SPAG17: variants seen among roughly 807,000 people sequenced by gnomAD.
SPAG17 encodes the protein sperm associated antigen 17.
A neutral mutation model predicts 273.6 loss-of-function variants in SPAG17; 169 were observed. That is an observed-to-expected ratio of 0.62 (90% confidence interval 0.55 to 0.70). The LOEUF (loss-of-function observed/expected upper bound fraction) is 0.70. SPAG17 is among the 30% of genes least tolerant of loss of function. SPAG17 has a pLI of 0.00. For missense variants in SPAG17, 2,557 were observed against 2,627.8 expected (o/e 0.97, Z 0.59); for synonymous variants, 825 against 873.2 (o/e 0.94, Z 0.97).
intron 29 of SPAG17, among the ~76,000 whole-genome samples, chr1:118,014,212 T>A (rs1290691662): frequency 6.6e-6 from 1 of 152,142 alleles, no homozygotes; most frequent in Non-Finnish European, 1.5e-5. Flanking sequence ...TGAGTTAGTA[T>A]ATGGAAAATG....
intron 3 of SPAG17, among the ~76,000 whole-genome samples, chr1:118,148,755 C>T (rs944292928): frequency 6.6e-6 from 1 of 152,166 alleles, no homozygotes; most frequent in African/African-American, 2.4e-5. Flanking sequence ...CCACATGTCT[C>T]AAAGGTCCAG....
At chr1:118,136,703 T>C (rs1251560328) in intron 3 of SPAG17, among the ~76,000 whole-genome samples, 1 of 152,162 alleles carries the variant, frequency 6.6e-6, no homozygotes, top group Non-Finnish European at 1.5e-5. Flanking sequence ...GACTAATACT[T>C]GTCTCTGCTT....
chr1:118,169,783 T>A (rs1277301908), intron 1 of SPAG17, among the ~76,000 whole-genome samples: 1 of 152,162 alleles, frequency 6.6e-6, no homozygotes, highest in Non-Finnish European at 1.5e-5. Flanking sequence ...TCCAGCCCTT[T>A]ATAAGAATTA....
intron 1 of SPAG17, among the ~76,000 whole-genome samples, chr1:118,171,272 G>C (rs1022694620): frequency 6.6e-6 from 1 of 152,156 alleles, no homozygotes; most frequent in African/African-American, 2.4e-5. Flanking sequence ...TAAGGAGGAA[G>C]AATGGAATAG....
intron 28 of SPAG17, among the ~76,000 whole-genome samples, chr1:118,021,507 T>C (rs1404976041): frequency 6.6e-6 from 1 of 152,152 alleles, no homozygotes; most frequent in African/African-American, 2.4e-5. Context: ...ACATAGAATG[T>C]ACAACACCAA....
At chr1:118,068,827 C>A (rs1653260226) in intron 17 of SPAG17, among the ~76,000 whole-genome samples, 1 of 152,102 alleles carries the variant, frequency 6.6e-6, no homozygotes, top group Non-Finnish European at 1.5e-5. Flanking sequence ...CTATGTTGCC[C>A]AGGCTGGCCC....
chr1:118,018,902 C>T (rs1451345979), intron 28 of SPAG17, among the ~76,000 whole-genome samples: 1 of 151,332 alleles, frequency 6.6e-6, no homozygotes, highest in East Asian at 1.9e-4. Flanking sequence ...CGGACTAAAA[C>T]ATCTAAAGAC....
chr1:118,081,441 T>C lies in SPAG17; in HGVS notation c.1964A>G (p.Asn655Ser). Residue 655 changes from asparagine to serine, a missense_variant, in exon 14 of 49, where the codon AAT (asparagine) becomes AGT (serine). Coordinates refer to ENST00000336338, the MANE Select transcript of SPAG17 (RefSeq NM_206996.4). Reference protein sequence around the residue: ...QIRQQYVMKMNTQEAKQKADI... With the variant: ...QIRQQYVMKMSTQEAKQKADI... ...TGCTTTCTGCTTGGCCTCTTGAGTA[T>C]TCATTTTCATGACATATTGCTGCCT... is the stretch of plus-strand genomic sequence containing the variant. 1 of 1,613,956 alleles carries C rather than the reference T, an allele frequency of 6.2e-7. No individual in the cohort carries two copies.
Position 118,054,063 on chromosome 1 carries a change from G to A in SPAG17, c.2753C>T (p.Ser918Leu), listed in dbSNP as rs765360738. The change falls in exon 20 of 49, where the codon TCA becomes TTA. Residue 918 changes from serine (S) to leucine (L), a missense_variant. Physicochemically the swap from Ser to Leu is moderately radical, Grantham distance 145. Coordinates refer to ENST00000336338, the MANE Select transcript of SPAG17 (RefSeq NM_206996.4). ...SNKGISKTEI[S>L]DQEKEKEKEK... Reference sequence around the variant, plus strand: ...CTTCTCTTTTTCTTTTTCTTGATCTGATATCTCTGTTTTGCTGATTCCTTT... The same window carrying A: ...CTTCTCTTTTTCTTTTTCTTGATCTAATATCTCTGTTTTGCTGATTCCTTT... The A allele has an allele frequency of 6.2e-7, 1 of 1,606,472 alleles. No homozygotes were observed. Among genetic ancestry groups the A allele is most frequent in the African/African-American group, 1.3e-5 (1 of 74,800 alleles).
chr1:118,058,498 G>A (rs940631078), intron 18 of SPAG17, among the ~76,000 whole-genome samples: 8 of 150,746 alleles, frequency 5.3e-5, no homozygotes, highest in Non-Finnish European at 1.2e-4. Flanking sequence ...TGAGCCACTG[G>A]GCTGGCCTCA....
At chr1:118,118,177 C>A (rs528112805) in intron 3 of SPAG17, among the ~76,000 whole-genome samples, 9 of 152,302 alleles carry the variant, frequency 5.9e-5, no homozygotes, top group African/African-American at 2.2e-4. Context: ...AGGAAATGTA[C>A]CTTTTCACAT....
intron 27 of SPAG17, 25 bp from the exon 28 acceptor site, chr1:118,023,488 G>A (rs753831876): frequency 6.7e-5 from 107 of 1,596,404 alleles, no homozygotes; most frequent in Non-Finnish European, 9.0e-5. Context: ...AAAGTTTTCA[G>A]CATTCTCAGA....
At chr1:118,013,812 C>A (rs577692614) in intron 29 of SPAG17, among the ~76,000 whole-genome samples, 1 of 152,256 alleles carries the variant, frequency 6.6e-6, no homozygotes, top group African/African-American at 2.4e-5. Flanking sequence ...GGCAATAACA[C>A]AGTAACAAGG....
chr1:118,059,636 C>G lies in SPAG17; in HGVS notation c.2541-3722G>C, dbSNP rs1392233258. Among the ~76,000 whole-genome samples, 3 of 152,154 alleles carry G rather than the reference C, an allele frequency of 2.0e-5. No individual in the cohort carries two copies. The East Asian group carries it at 5.8e-4, about 29-fold the overall frequency. On this transcript the variant is annotated intron_variant, in intron 18 of 48. Transcript: ENST00000336338. ...GTGTACATACATATTTACAATTGGT[C>G]TATCTCCTTGGAGAACTGACCTTGT...
At chr1:118,113,878 A>G (rs756052923) in intron 4 of SPAG17, among the ~76,000 whole-genome samples, 29 of 152,188 alleles carry the variant, frequency 1.9e-4, no homozygotes, top group African/African-American at 7.0e-4. Flanking sequence ...CCAAGCTACT[A>G]GAATATTTTA....
At chr1:118,183,468 C>G (rs1661040980) in intron 1 of SPAG17, among the ~76,000 whole-genome samples, 1 of 152,012 alleles carries the variant, frequency 6.6e-6, no homozygotes, top group Admixed American at 6.6e-5. Context: ...TGTCTTTTTC[C>G]TGCAATAAGA....
At chr1:118,178,523 T>C (rs1660799425) in intron 1 of SPAG17, among the ~76,000 whole-genome samples, 1 of 152,012 alleles carries the variant, frequency 6.6e-6, no homozygotes, top group South Asian at 2.1e-4. Flanking sequence ...AGATCTGGAA[T>C]AGGATGAAAA....
chr1:118,077,168 T>A (rs937137245), intron 15 of SPAG17, among the ~76,000 whole-genome samples: 3 of 152,176 alleles, frequency 2.0e-5, no homozygotes, highest in African/African-American at 7.2e-5. Flanking sequence ...GTTGGCGGCT[T>A]TGAAGTAAGT....
intron 3 of SPAG17, among the ~76,000 whole-genome samples, chr1:118,133,628 A>G (rs1266597166): frequency 6.6e-6 from 1 of 152,118 alleles, no homozygotes; most frequent in Non-Finnish European, 1.5e-5. Flanking sequence ...CTCATCTGGG[A>G]TCACTCTCCC....
Sources: allele counts gnomAD v4.1 joint callset (sites outside exome capture counted in the v4.1 genomes callset), GRCh38; gene constraint gnomAD v4.1.1; transcripts MANE v1.5; gene names NCBI Gene and HGNC (gene_info 2026-07-23, HGNC 2026-07-21).